KAZN: variants seen among roughly 807,000 people sequenced by gnomAD.
The protein encoded by KAZN is kazrin.
KAZN carries 40 observed loss-of-function variants against 87.4 expected under a neutral mutation model. The ratio of observed to expected loss-of-function variants is 0.46; its 90% CI spans 0.36 to 0.60. The LOEUF (loss-of-function observed/expected upper bound fraction) is 0.60, where lower values mean the gene tolerates loss of function less well. Among genes scored for constraint, KAZN ranks in the 20% least tolerant of loss-of-function variants. KAZN has a pLI of 0.00. For synonymous variants in KAZN, 466 were observed against 458.3 expected (o/e 1.02, Z -0.22); for missense variants, 898 against 1,073.9 (o/e 0.84, Z 2.29).
At chr1:14,476,429 A>C (rs1668728223) in intron 2 of KAZN, among the ~76,000 whole-genome samples, 2 of 152,230 alleles carry the variant, frequency 1.3e-5, no homozygotes, top group South Asian at 4.1e-4. Context: ...GTCACAGAAC[A>C]GAAGTGAGGG....
intron 1 of KAZN, among the ~76,000 whole-genome samples, chr1:14,096,378 C>T (rs1438233523): frequency 6.6e-6 from 1 of 152,144 alleles, no homozygotes; most frequent in East Asian, 1.9e-4. Context: ...CACTGAGCAC[C>T]TCCCGGGGGC....
intron 1 of KAZN, among the ~76,000 whole-genome samples, chr1:14,876,771 A>G (rs570874422): frequency 6.6e-6 from 1 of 152,330 alleles, no homozygotes; most frequent in African/African-American, 2.4e-5. Flanking sequence ...GAGCTAATAA[A>G]TGTTAGCTGT....
chr1:14,968,851 G>A (rs1019583192), intron 2 of KAZN, among the ~76,000 whole-genome samples: 1 of 152,204 alleles, frequency 6.6e-6, no homozygotes, highest in Non-Finnish European at 1.5e-5. Context: ...TTGTGCCGAT[G>A]CCTGTGGTTC....
chr1:13,943,681 T>C (rs768539730), intron 1 of KAZN, among the ~76,000 whole-genome samples: 5 of 152,010 alleles, frequency 3.3e-5, no homozygotes, highest in Non-Finnish European at 7.4e-5. Context: ...AGAGTAGTTA[T>C]TGGCAAATCT....
chr1:14,058,755 C>T (rs1403774914), intron 1 of KAZN, among the ~76,000 whole-genome samples: 1 of 152,072 alleles, frequency 6.6e-6, no homozygotes, highest in East Asian at 1.9e-4. Context: ...GAGGAGGGAC[C>T]TAGTTTAGAC....
chr1:14,306,398 G>A (rs1654932273), intron 2 of KAZN, among the ~76,000 whole-genome samples: 2 of 152,144 alleles, frequency 1.3e-5, no homozygotes, highest in South Asian at 4.1e-4. Flanking sequence ...GGGCCAATGT[G>A]ACAGACTCAC....
At chr1:14,533,958 A>G (rs536043283) in intron 2 of KAZN, among the ~76,000 whole-genome samples, 1 of 152,318 alleles carries the variant, frequency 6.6e-6, no homozygotes, top group African/African-American at 2.4e-5. Flanking sequence ...CTGCATCCCC[A>G]GCTAATAAAG....
At chr1:14,494,916 G>A (rs12039130) in intron 2 of KAZN, among the ~76,000 whole-genome samples, 9,279 of 152,168 alleles carry the variant, frequency 0.061, 471 homozygotes, top group East Asian at 0.16. Flanking sequence ...AGAGAATTCT[G>A]GGAACTTCCC....
At position 15,052,108 on chromosome 1, in the gene KAZN, C is replaced by A. The variant is rs1674466998; in HGVS notation, c.727-3983C>A. Among the ~76,000 whole-genome samples, 7 of 152,020 alleles carry A rather than the reference C, an allele frequency of 4.6e-5. 1 individual carries two copies. ...ATTAGTCAGAGAAATGTGTCAATTGCCACAGGAGAGGATCTAATGCATGTG... is the reference window on the plus strand; with the variant it reads ...ATTAGTCAGAGAAATGTGTCAATTGACACAGGAGAGGATCTAATGCATGTG... On this transcript the variant is annotated intron_variant, in intron 4 of 14. Coordinates refer to ENST00000376030, the MANE Select transcript of KAZN (RefSeq NM_201628.3).
intron 2 of KAZN, among the ~76,000 whole-genome samples, chr1:14,499,554 G>C (rs936643330): frequency 6.6e-6 from 1 of 152,152 alleles, no homozygotes; most frequent in African/African-American, 2.4e-5. Context: ...TCTCATTATC[G>C]ATTGTTCTGC....
intron 1 of KAZN, among the ~76,000 whole-genome samples, chr1:14,056,893 T>A (rs1455999414): frequency 6.6e-6 from 1 of 151,970 alleles, no homozygotes; most frequent in African/African-American, 2.4e-5. Context: ...AAAATCAGTC[T>A]CTTGGCCAGG....
At chr1:14,011,113 T>C (rs1570520012) in intron 1 of KAZN, among the ~76,000 whole-genome samples, 1 of 152,268 alleles carries the variant, frequency 6.6e-6, no homozygotes, top group African/African-American at 2.4e-5. Flanking sequence ...AGAGGCAAGA[T>C]CTACATTTCT....
chr1:13,988,311 T>A (rs1639117001), intron 1 of KAZN, among the ~76,000 whole-genome samples: 6 of 152,158 alleles, frequency 3.9e-5, no homozygotes, highest in Admixed American at 3.9e-4. Flanking sequence ...TGCTATATAG[T>A]CGGGGTAAAT....
At chr1:13,937,242 C>A (rs1261761015) in intron 1 of KAZN, among the ~76,000 whole-genome samples, 2 of 152,052 alleles carry the variant, frequency 1.3e-5, no homozygotes, top group Non-Finnish European at 2.9e-5. Flanking sequence ...GAGATGGGGT[C>A]ACCATGTTAG....
In KAZN at chr1:14,409,908, T is replaced by C. The variant is rs72870824; in HGVS notation, c.250-189075T>C. 5.8e-3 allele frequency among the ~76,000 whole-genome samples: 880 copies of C among 152,314 alleles called. 5 individuals are homozygous for C. Among genetic ancestry groups the C allele is most frequent in the African/African-American group, 0.02 (851 of 41,568 alleles). On this transcript the variant is annotated intron_variant, in intron 2 of 16. Transcript: ENST00000636203. ...AAGGAGGAAAGTAGGGCAGATTTTT[T>C]AAATAATCAAATTTCTAGATTAAAA...
intron 2 of KAZN, among the ~76,000 whole-genome samples, chr1:14,477,080 T>A (rs1310502899): frequency 6.6e-6 from 1 of 152,220 alleles, no homozygotes; most frequent in Non-Finnish European, 1.5e-5. Flanking sequence ...CCAAATCTCA[T>A]CTTGAATTGT....
intron 2 of KAZN, among the ~76,000 whole-genome samples, chr1:14,576,366 T>C (rs1173193922): frequency 6.7e-6 from 1 of 149,168 alleles, no homozygotes; most frequent in Non-Finnish European, 1.5e-5. Context: ...AGATGGATGA[T>C]GGAACAATGG....
At chr1:14,874,968 A>G (rs774078760) in intron 1 of KAZN, among the ~76,000 whole-genome samples, 2 of 151,930 alleles carry the variant, frequency 1.3e-5, no homozygotes, top group Non-Finnish European at 2.9e-5. Context: ...GCAGCCACCT[A>G]CCTCTGCAAG....
chr1:14,326,584 A>G (rs1656440563), intron 2 of KAZN, among the ~76,000 whole-genome samples: 1 of 151,890 alleles, frequency 6.6e-6, no homozygotes. Context: ...TCCTACTCAA[A>G]ATAAAATTCC....
Sources: allele counts gnomAD v4.1 joint callset (sites outside exome capture counted in the v4.1 genomes callset), GRCh38; gene constraint gnomAD v4.1.1; transcripts MANE v1.5; gene names NCBI Gene and HGNC (gene_info 2026-07-23, HGNC 2026-07-21).